Variants in NTM observed in about 807,000 individuals in gnomAD.
NTM encodes the protein neurotrimin.
Under a neutral mutation model 42.1 loss-of-function variants are expected in NTM, and 13 were observed. That is an observed-to-expected ratio of 0.31 (90% CI 0.20 to 0.49). The LOEUF (loss-of-function observed/expected upper bound fraction) is 0.49. Among genes scored for constraint, NTM ranks in the 20% least tolerant of loss-of-function variants. The pLI is 0.99. For missense variants in NTM, 373 were observed against 452.8 expected, an observed-to-expected ratio of 0.82 and a Z score of 1.60; for synonymous variants, 187 against 179.2, an observed-to-expected ratio of 1.04 and a Z score of -0.35.
chr11:131,522,623 G>A (rs1001884019), intron 1 of NTM, among the ~76,000 whole-genome samples: 2 of 152,158 alleles, frequency 1.3e-5, no homozygotes, highest in Non-Finnish European at 2.9e-5. Flanking sequence ...CTGCAAATAC[G>A]ACCTACGTGG....
At chr11:131,982,959 G>A (rs952777379) in intron 2 of NTM, among the ~76,000 whole-genome samples, 4 of 152,162 alleles carry the variant, frequency 2.6e-5, no homozygotes. Flanking sequence ...CAGTTGGGGA[G>A]AGGAGGGGTC....
In NTM at chr11:131,789,619, GAAGAAGAAGAAGAAGAA is replaced by G. The variant is rs1565552794; in HGVS notation, c.83-121927_83-121911del. On this transcript the variant is annotated intron_variant, in intron 1 of 8. Coordinates refer to ENST00000683400, the MANE Select transcript of NTM (RefSeq NM_001352005.2). ...AGAAGAAGAAGAAGAAGAAGAAGAA[GAAGAAGAAGAAGAAGAA>G]AAGAAGAAGAAGAAGAAGAAGAAGA... Among the ~76,000 whole-genome samples the G allele has an allele frequency of 1.9e-4, 16 of 85,354 alleles. 4 individuals are homozygous for G. Among genetic ancestry groups the G allele is most frequent in the African/African-American group, 3.7e-4 (7 of 18,878 alleles). 56.0% of individuals were successfully genotyped at this position (85,354 alleles called of 152,430 possible).
At chr11:131,910,643 G>A (rs1331325796) in intron 1 of NTM, among the ~76,000 whole-genome samples, 1 of 150,410 alleles carries the variant, frequency 6.6e-6, no homozygotes, top group Non-Finnish European at 1.5e-5. Flanking sequence ...AAGGCGGCGC[G>A]GAGGCCGGGG....
rs570195949 is a variant in NTM, at chr11:132,232,441, A to C, written c.526+20294A>C. ...TGTCGCTGCTGCAGCTGGCTTGTCT[A>C]TGGTCTACACTTGGGTGAGGAAAGC... On this transcript the variant is annotated intron_variant, in intron 4 of 8. Transcript: ENST00000683400. Among the ~76,000 whole-genome samples, 17 of 152,284 alleles carry C rather than the reference A, an allele frequency of 1.1e-4. No individual in the cohort carries two copies. In the East Asian group the frequency reaches 2.9e-3, roughly 26 times the overall value.
intron 1 of NTM, among the ~76,000 whole-genome samples, chr11:131,708,263 A>G (rs1298052693): frequency 6.6e-6 from 1 of 152,182 alleles, no homozygotes; most frequent in African/African-American, 2.4e-5. Flanking sequence ...ATAAACTGAA[A>G]ATATGAAGAG....
intron 2 of NTM, among the ~76,000 whole-genome samples, chr11:131,970,935 G>A (rs2063450857): frequency 6.6e-6 from 1 of 152,202 alleles, no homozygotes; most frequent in Non-Finnish European, 1.5e-5. Flanking sequence ...TTTATAAAAT[G>A]TGATGGTGCA....
chr11:131,933,051 C>G (rs903331830), intron 2 of NTM, among the ~76,000 whole-genome samples: 6 of 152,210 alleles, frequency 3.9e-5, no homozygotes, highest in African/African-American at 1.2e-4. Flanking sequence ...AGCTTTTCCT[C>G]CACAGCGCCA....
rs1470821362 is a variant in NTM at position 131,754,607 on chromosome 11, A to T, written c.83-156957A>T. Among the ~76,000 whole-genome samples the T allele has an allele frequency of 2.2e-5, 3 of 138,012 alleles. No individual in the cohort carries two copies. In the East Asian group the frequency reaches 6.6e-4, roughly 30 times the overall value. 90.5% of individuals were successfully genotyped at this position (138,012 alleles called of 152,430 possible). A position where few individuals can be genotyped will look rare whatever the true frequency, so the allele number is the denominator to read the frequency against. On this transcript the variant is annotated intron_variant, in intron 1 of 8. Transcript: ENST00000683400. ...ACCACTGCACTCCAGCCTGGGCAAC[A>T]GAGTGAGACCCCAACTCCAAAAAAA...
intron 4 of NTM, among the ~76,000 whole-genome samples, chr11:132,247,064 C>T (rs891639638): frequency 5.9e-5 from 9 of 152,340 alleles, no homozygotes; most frequent in African/African-American, 2.2e-4. Context: ...AGCAGACAGG[C>T]TGCCTCTTTG....
intron 1 of NTM, among the ~76,000 whole-genome samples, chr11:131,810,638 T>C (rs1407292913): frequency 1.3e-5 from 2 of 152,190 alleles, no homozygotes; most frequent in Non-Finnish European, 2.9e-5. Flanking sequence ...TCTGATTTAT[T>C]GCTTAGGAGA....
intron 2 of NTM, among the ~76,000 whole-genome samples, chr11:132,081,718 C>T (rs1185379971): frequency 2.1e-5 from 3 of 146,310 alleles, no homozygotes; most frequent in African/African-American, 7.5e-5. Flanking sequence ...AGCGAGACTC[C>T]ATCTAAAAAA....
intron 1 of NTM, among the ~76,000 whole-genome samples, chr11:131,791,288 C>T (rs955477889): frequency 6.6e-6 from 1 of 152,198 alleles, no homozygotes; most frequent in Non-Finnish European, 1.5e-5. Context: ...TGCAGATATT[C>T]TGGCAAAGGA....
chr11:132,291,444 A>T (rs1270104014), intron 4 of NTM, among the ~76,000 whole-genome samples: 7 of 152,206 alleles, frequency 4.6e-5, no homozygotes, highest in South Asian at 2.1e-4. Flanking sequence ...GAAGAATTTC[A>T]TGTCGGACAT....
chr11:132,309,557 G>GA (rs1277937551), intron 5 of NTM, among the ~76,000 whole-genome samples: 1 of 152,080 alleles, frequency 6.6e-6, no homozygotes, highest in Non-Finnish European at 1.5e-5. Context: ...AGTTTAAACA[G>GA]AAAAAATGCT....
At chr11:131,694,988 G>T (rs1290393222) in intron 1 of NTM, among the ~76,000 whole-genome samples, 1 of 152,156 alleles carries the variant, frequency 6.6e-6, no homozygotes, top group African/African-American at 2.4e-5. Flanking sequence ...CCATGAAATT[G>T]CGACCTGCTG....
At chr11:132,214,484 A>G (rs1400511632) in intron 4 of NTM, among the ~76,000 whole-genome samples, 2 of 151,836 alleles carry the variant, frequency 1.3e-5, no homozygotes, top group Admixed American at 6.6e-5. Context: ...TTGTCCTGCC[A>G]TTTTATGCCT....
intron 2 of NTM, among the ~76,000 whole-genome samples, chr11:131,942,850 G>A (rs1298286666): frequency 2.6e-5 from 4 of 151,904 alleles, no homozygotes; most frequent in African/African-American, 9.7e-5. Context: ...GGAGGCTGAG[G>A]CAGGAGAATC....
intron 1 of NTM, among the ~76,000 whole-genome samples, chr11:131,715,652 CCTT>C (rs1268553506): frequency 6.6e-6 from 1 of 152,198 alleles, no homozygotes; most frequent in Non-Finnish European, 1.5e-5. Flanking sequence ...CTTTCCTCCT[CCTT>C]CTATCCCCTC....
intron 1 of NTM, among the ~76,000 whole-genome samples, chr11:131,716,327 G>C (rs2077685377): frequency 6.6e-6 from 1 of 151,974 alleles, no homozygotes; most frequent in Non-Finnish European, 1.5e-5. Flanking sequence ...AATTTTGGAG[G>C]GACACAAATA....
Sources: allele counts gnomAD v4.1 joint callset (sites outside exome capture counted in the v4.1 genomes callset), GRCh38; gene constraint gnomAD v4.1.1; transcripts MANE v1.5; gene names NCBI Gene and HGNC (gene_info 2026-07-23, HGNC 2026-07-21).